Variants in KIF13A observed in about 807,000 individuals in gnomAD.
KIF13A encodes the protein kinesin-like protein KIF13A.
Under a neutral mutation model 212.2 loss-of-function variants are expected in KIF13A, and 79 were observed. That is an observed-to-expected ratio of 0.37 (90% CI 0.31 to 0.45). The LOEUF (loss-of-function observed/expected upper bound fraction) is 0.45, where lower values mean the gene tolerates loss of function less well. Ranked by LOEUF, KIF13A falls within the 20% of genes least tolerant of loss-of-function variation. The pLI is 1.00. For synonymous variants in KIF13A, 789 were observed against 808.6 expected (o/e 0.98, Z 0.41); for missense variants, 1,901 against 2,209.0 (o/e 0.86, Z 2.79).
chr6:17,764,175 A>T lies in KIF13A; in HGVS notation c.5353T>A (p.Ser1785Thr). 1 of 1,614,034 alleles carries T rather than the reference A, an allele frequency of 6.2e-7. No homozygotes were observed. Among genetic ancestry groups the T allele is most frequent in the Non-Finnish European group, 8.5e-7 (1 of 1,179,892 alleles). ...ATTACCTGGTCATTCTCTAACTTGG[A>T]ATGCAGCTGGCTGGGGTGGTGGAGC... ...DGLHHPSQLH[S>T]KLENDQVIIP... The change falls in exon 39 of 39, where the codon TCC (serine) becomes ACC (threonine). Residue 1785 changes from serine to threonine, a missense_variant. Ser to Thr is a moderately conservative substitution (Grantham distance 58, BLOSUM62 1). This residue lies in a region of KIF13A where 687 missense variants were observed against 759.1 expected (regional missense o/e 0.90). Coordinates refer to ENST00000259711, the MANE Select transcript of KIF13A (RefSeq NM_022113.6). The surrounding 1 kb of genome is among the most constrained non-coding windows in gnomAD (Gnocchi z 5.1).
intron 19 of KIF13A, among the ~76,000 whole-genome samples, chr6:17,805,017 T>C (rs1050869873): frequency 2.6e-4 from 40 of 152,122 alleles, no homozygotes; most frequent in African/African-American, 8.2e-4. Flanking sequence ...CCACTGCTAA[T>C]GTCCAAAAAA....
chr6:17,816,034 A>G lies in KIF13A; in HGVS notation c.2000+986T>C, dbSNP rs977685195. On this transcript the variant is annotated intron_variant, in intron 17 of 38. Coordinates refer to ENST00000259711, the MANE Select transcript of KIF13A (RefSeq NM_022113.6). The surrounding 1 kb of genome is among the most constrained non-coding windows in gnomAD (Gnocchi z 4.3). ...GCGATTCTCCTGCCTCAGCCTCCCA[A>G]GTAGCTGGGATTACAGGCGCCTGCC... 6.6e-6 allele frequency among the ~76,000 whole-genome samples: 1 copy of G among 151,508 alleles called. No individual in the cohort carries two copies. The highest frequency in any genetic ancestry group is 1.5e-5 in the Non-Finnish European group (1 of 67,888).
intron 4 of KIF13A, among the ~76,000 whole-genome samples, chr6:17,863,779 C>A (rs896388016): frequency 6.6e-6 from 1 of 152,044 alleles, no homozygotes; most frequent in South Asian, 2.1e-4. Flanking sequence ...TCCAAAAGAC[C>A]GAAGGATTTT....
chr6:17,779,084 C>G lies in KIF13A; in HGVS notation c.3955G>C (p.Glu1319Gln), dbSNP rs1346266279. 2 of 1,613,524 alleles carry G rather than the reference C, an allele frequency of 1.2e-6. No homozygotes were observed. The highest frequency in any genetic ancestry group is 1.7e-5 in the Admixed American group (1 of 59,958). ...SNIPKATEEI[E>Q]DRETLALLAA... ...AGGAGAGCCAGCGTTTCCCGGTCCT[C>G]TATCTCCTCAGTTGCCTACGAGGAC... The change falls in exon 33 of 39, where the codon GAG (glutamate) becomes CAG (glutamine). Residue 1319 changes from glutamate (E) to glutamine (Q), a missense_variant. Physicochemically the swap from Glu to Gln is conservative, Grantham distance 29. Transcript: ENST00000259711.
chr6:17,893,123 G>C (rs2150474040), intron 3 of KIF13A, among the ~76,000 whole-genome samples: 1 of 152,334 alleles, frequency 6.6e-6, no homozygotes, highest in South Asian at 2.1e-4. Flanking sequence ...TGATTTTGGA[G>C]AATTGGAGAA....
Position 17,809,181 on chromosome 6 carries a change from G to A in KIF13A, c.2001-251C>T, listed in dbSNP as rs985262311. On this transcript the variant is annotated intron_variant, in intron 17 of 38. Coordinates refer to ENST00000259711, the MANE Select transcript of KIF13A (RefSeq NM_022113.6). This position sits in a 1 kb window ranked among gnomAD's most constrained non-coding sequence, Gnocchi z 4.7. Reference sequence around the variant, plus strand: ...TTTAAATTATGTAACACGTGAAAACGATCAGATTGTGATAGGAGGATGCAA... The same window carrying A: ...TTTAAATTATGTAACACGTGAAAACAATCAGATTGTGATAGGAGGATGCAA... Among the ~76,000 whole-genome samples, 7 of 152,164 alleles carry A rather than the reference G, an allele frequency of 4.6e-5. No individual in the cohort carries two copies. The highest frequency in any genetic ancestry group is 7.3e-5 in the Non-Finnish European group (5 of 68,032).
At chr6:17,775,418 T>C (rs906778473) in intron 34 of KIF13A, among the ~76,000 whole-genome samples, 3 of 152,220 alleles carry the variant, frequency 2.0e-5, no homozygotes, top group Admixed American at 2.0e-4. Flanking sequence ...TGTATATTTA[T>C]GAGAATCTCT....
chr6:17,977,705 A>G (rs545167285), intron 2 of KIF13A, among the ~76,000 whole-genome samples: 1 of 152,340 alleles, frequency 6.6e-6, no homozygotes, highest in Admixed American at 6.5e-5. Context: ...TTTGTTTTTA[A>G]TTTTTTTAAA....
intron 16 of KIF13A, among the ~76,000 whole-genome samples, chr6:17,823,584 C>T (rs1046712134): frequency 3.3e-5 from 5 of 151,902 alleles, no homozygotes; most frequent in East Asian, 3.9e-4. Context: ...TCTCGTGCTC[C>T]GGCCTCCCAA....
intron 2 of KIF13A, among the ~76,000 whole-genome samples, chr6:17,979,815 T>C (rs1780898702): frequency 7.1e-6 from 1 of 141,192 alleles, no homozygotes; most frequent in Non-Finnish European, 1.6e-5. Flanking sequence ...AAATTAAAAA[T>C]GTGATAGCAG....
intron 9 of KIF13A, among the ~76,000 whole-genome samples, chr6:17,842,003 G>GTA (rs1562043741): frequency 5.2e-4 from 32 of 61,354 alleles, no homozygotes; most frequent in South Asian, 1.8e-3. Flanking sequence ...ACACATACGT[G>GTA]TGTGTGTGTG....
At chr6:17,860,795 A>G (rs1321362602) in intron 4 of KIF13A, among the ~76,000 whole-genome samples, 3 of 152,152 alleles carry the variant, frequency 2.0e-5, no homozygotes, top group Non-Finnish European at 4.4e-5. Flanking sequence ...CACTTTGGTC[A>G]AAGTATGACT....
rs1292932082 is a variant in KIF13A, at chr6:17,789,293, G to A, written c.3261+579C>T. On this transcript the variant is annotated intron_variant, in intron 26 of 38. Coordinates refer to ENST00000259711, the MANE Select transcript of KIF13A (RefSeq NM_022113.6). The surrounding 1 kb of genome is among the most constrained non-coding windows in gnomAD (Gnocchi z 4.8). ...AATTCTATAGGTTATGGAGAACTAA[G>A]TGTGACCCAAATGAGAAAAGAAAGC... 6.6e-6 allele frequency among the ~76,000 whole-genome samples: 1 copy of A among 152,178 alleles called. No homozygotes were observed. The highest frequency in any genetic ancestry group is 2.4e-5 in the African/African-American group (1 of 41,430).
At position 17,808,950 on chromosome 6, in the gene KIF13A, G is replaced by T; in HGVS notation, c.2001-20C>A. The T allele has an allele frequency of 6.5e-7, 1 of 1,549,946 alleles. No individual in the cohort carries two copies. The stretch of plus-strand genomic sequence containing the variant: ...TCATCCCTGCAGTGTCATAGAAAAG[G>T]GAACGAGAAAATCTAAAGGAAAACT... On this transcript the variant is annotated intron_variant, in intron 17 of 38. Coordinates refer to ENST00000259711, the MANE Select transcript of KIF13A (RefSeq NM_022113.6).
At chr6:17,784,416 C>A (rs1031810686) in intron 28 of KIF13A, among the ~76,000 whole-genome samples, 1 of 151,954 alleles carries the variant, frequency 6.6e-6, no homozygotes, top group Non-Finnish European at 1.5e-5. Context: ...GAGACCCTGT[C>A]TCAAAAAAAC....
chr6:17,915,697 C>G lies in KIF13A; in HGVS notation c.147-17517G>C, dbSNP rs1774434303. Among the ~76,000 whole-genome samples the G allele has an allele frequency of 6.6e-6, 1 of 152,132 alleles. No homozygotes were observed. Among genetic ancestry groups the G allele is most frequent in the Non-Finnish European group, 1.5e-5 (1 of 68,026 alleles). ...ACAGTTCAGGCCAGGCACAGTGGCT[C>G]ACGCCTGTAATCGCAGCACTTTGGG... On this transcript the variant is annotated intron_variant, in intron 2 of 38. Coordinates refer to ENST00000259711, the MANE Select transcript of KIF13A (RefSeq NM_022113.6). The surrounding 1 kb of genome is among the most constrained non-coding windows in gnomAD (Gnocchi z 4.4).
chr6:17,940,824 T>A (rs6908673), intron 2 of KIF13A, among the ~76,000 whole-genome samples: 635 of 26,264 alleles, frequency 0.024, 3 homozygotes, highest in African/African-American at 0.045. Context: ...TTTATTTTTT[T>A]TTTTTTTTTT....
chr6:17,803,811 G>C (rs1762686272), intron 20 of KIF13A, among the ~76,000 whole-genome samples: 1 of 152,102 alleles, frequency 6.6e-6, no homozygotes. Flanking sequence ...TTAAAACAAA[G>C]AAAAAACTTG....
At chr6:17,976,153 C>T (rs756825968) in intron 2 of KIF13A, among the ~76,000 whole-genome samples, 2 of 152,238 alleles carry the variant, frequency 1.3e-5, no homozygotes, top group African/African-American at 4.8e-5. Context: ...CGCACCGGGG[C>T]TGCAGGTGGA....
Sources: gnomAD v4.1 joint callset for allele counts (sites outside exome capture counted in the v4.1 genomes callset) on GRCh38, gnomAD v4.1.1 for gene constraint, gnomAD v4.1.1 regional missense constraint, Gnocchi (gnomAD v3.1) non-coding constraint, MANE v1.5 for transcripts, NCBI Gene and HGNC (gene_info 2026-07-23, HGNC 2026-07-21) for gene names.